The following PTCD2 variants were observed in gnomAD, a reference collection of about 807,000 sequenced individuals.
PTCD2 encodes the protein pentatricopeptide repeat domain 2, also known as pentatricopeptide repeat-containing protein 2, mitochondrial.
In PTCD2, 31 loss-of-function variants were observed where a neutral mutation model predicts 42.6. That is an observed-to-expected ratio of 0.73 (90% CI 0.55 to 0.98). The LOEUF is 0.98. PTCD2 is among the 50% of genes least tolerant of loss of function. PTCD2 has a pLI of 0.00. For missense variants in PTCD2, 476 were observed against 454.8 expected (o/e 1.05, Z -0.42); for synonymous variants, 183 against 170.9 (o/e 1.07, Z -0.55).
chr5:72,357,091 T>A (rs1296786471), intron 9 of PTCD2, among the ~76,000 whole-genome samples: 1 of 152,172 alleles, frequency 6.6e-6, no homozygotes, highest in Non-Finnish European at 1.5e-5. Context: ...TACGTATGCC[T>A]CTAGCCCAGA....
At chr5:72,334,018 C>G (rs909613265) in intron 4 of PTCD2, among the ~76,000 whole-genome samples, 1 of 151,956 alleles carries the variant, frequency 6.6e-6, no homozygotes. Context: ...CCACCACACC[C>G]AGCTAATTTT....
chr5:72,346,234 C>T (rs959851036), intron 8 of PTCD2, among the ~76,000 whole-genome samples: 1 of 152,082 alleles, frequency 6.6e-6, no homozygotes, highest in Non-Finnish European at 1.5e-5. Flanking sequence ...AGAAAAATAT[C>T]GACAGAGACA....
At chr5:72,338,120 A>AT (rs1201007991) in intron 6 of PTCD2, among the ~76,000 whole-genome samples, 32 of 151,858 alleles carry the variant, frequency 2.1e-4, no homozygotes, top group East Asian at 3.9e-4. Context: ...ACATTCTTGG[A>AT]TTTTTTTTTA....
At position 72,358,959 on chromosome 5, in the gene PTCD2, T is replaced by A. The variant is rs1404051503; in HGVS notation, c.*532T>A. 6.5e-6 allele frequency: 1 copy of A among 153,860 alleles called. No individual in the cohort carries two copies. The highest frequency in any genetic ancestry group is 1.9e-4 in the East Asian group (1 of 5,216). 9.5% of individuals were successfully genotyped at this position (153,860 alleles called of 1,614,324 possible). ...ATGCCTATGTGTCTTTGCATATAGA[T>A]TTGAAATCTTCATTCAAGGTTTAGT... is the stretch of plus-strand genomic sequence containing the variant. On this transcript the variant is annotated 3_prime_UTR_variant, in exon 10 of 10. Transcript: ENST00000380639.
intron 8 of PTCD2, among the ~76,000 whole-genome samples, chr5:72,344,128 C>G (rs1259627334): frequency 6.6e-6 from 1 of 152,076 alleles, no homozygotes; most frequent in African/African-American, 2.4e-5. Context: ...GAGCAGTGCT[C>G]TAGAGGAGGA....
At chr5:72,323,815 A>G in intron 2 of PTCD2, among the ~76,000 whole-genome samples, 1 of 151,872 alleles carries the variant, frequency 6.6e-6, no homozygotes, top group East Asian at 1.9e-4. Context: ...CTAATTTTTA[A>G]TTTTTAATTT....
intron 8 of PTCD2, among the ~76,000 whole-genome samples, chr5:72,345,008 G>C (rs1289026983): frequency 6.6e-6 from 1 of 152,156 alleles, no homozygotes; most frequent in African/African-American, 2.4e-5. Flanking sequence ...CAGGAGACAG[G>C]GTTTGAGAGC....
rs927672634 is a variant in PTCD2 at position 72,367,702 on chromosome 5, CT to C, written c.*9278del. The C allele has an allele frequency of 1.3e-5, 2 of 152,216 alleles. No individual in the cohort carries two copies. Among genetic ancestry groups the C allele is most frequent in the African/African-American group, 4.8e-5 (2 of 41,452 alleles). The allele number at this position is 152,216 out of a possible 1,614,324, so 9.4% of individuals were successfully genotyped here. On this transcript the variant is annotated 3_prime_UTR_variant, in exon 10 of 10. Transcript: ENST00000380639. ...TGGAGTTGAGTGGCCAGAACTCAGT[CT>C]TTCTTTACATGCTGTGTTAAGCAGG...
At position 72,359,227 on chromosome 5, in the gene PTCD2, A is replaced by G. The variant is rs1208051087; in HGVS notation, c.*800A>G. 1.3e-5 allele frequency: 2 copies of G among 152,172 alleles called. No individual in the cohort carries two copies. Among genetic ancestry groups the G allele is most frequent in the Admixed American group, 6.6e-5 (1 of 15,262 alleles). The allele number at this position is 152,172 out of a possible 1,614,324, so 9.4% of individuals were successfully genotyped here. On this transcript the variant is annotated 3_prime_UTR_variant, in exon 10 of 10. Coordinates refer to ENST00000380639, the MANE Select transcript of PTCD2 (RefSeq NM_024754.5). ...ATGTGGATAATAAATATTTAGTCCT[A>G]TAGTTTATCTTATTTGTTAATGATT...
chr5:72,366,142 G>A lies in PTCD2; in HGVS notation c.*7715G>A, dbSNP rs1753199883. 1 of 152,076 alleles carries A rather than the reference G, an allele frequency of 6.6e-6. No individual in the cohort carries two copies. Among genetic ancestry groups the A allele is most frequent in the Admixed American group, 6.6e-5 (1 of 15,264 alleles). The allele number at this position is 152,076 out of a possible 1,614,324, so 9.4% of individuals were successfully genotyped here. On this transcript the variant is annotated 3_prime_UTR_variant, in exon 10 of 10. Coordinates refer to ENST00000380639, the MANE Select transcript of PTCD2 (RefSeq NM_024754.5). The stretch of plus-strand genomic sequence containing the variant: ...GAGACGGGAGAATTGCTTGAACCTG[G>A]GAGACGGAGGTTACAGTGAGCCTAG...
chr5:72,357,088 G>A (rs368501151), intron 9 of PTCD2, among the ~76,000 whole-genome samples: 5 of 152,152 alleles, frequency 3.3e-5, no homozygotes, highest in Non-Finnish European at 7.4e-5. Context: ...TACTACGTAT[G>A]CCTCTAGCCC....
chr5:72,337,481 A>T (rs1243799641), intron 6 of PTCD2, among the ~76,000 whole-genome samples: 3 of 152,042 alleles, frequency 2.0e-5, no homozygotes, highest in Non-Finnish European at 4.4e-5. Context: ...CTGAGTGTAT[A>T]CTGCAATGAC....
In PTCD2 at chr5:72,325,814, G is replaced by A. The variant is rs72761143; in HGVS notation, c.221-798G>A. 2.4e-3 allele frequency among the ~76,000 whole-genome samples: 373 copies of A among 152,306 alleles called. 2 individuals carry two copies. The highest frequency in any genetic ancestry group is 4.5e-3 in the Non-Finnish European group (306 of 68,016). ...TCTGCCTTCTGGAAAGCAGATGCTT[G>A]GTTGGTGCCTGCTTTGCTTTTCACC... On this transcript the variant is annotated intron_variant, in intron 2 of 9. Coordinates refer to ENST00000380639, the MANE Select transcript of PTCD2 (RefSeq NM_024754.5).
chr5:72,351,145 G>A (rs990453668), intron 8 of PTCD2, among the ~76,000 whole-genome samples: 1 of 152,210 alleles, frequency 6.6e-6, no homozygotes, highest in Non-Finnish European at 1.5e-5. Flanking sequence ...AACAGTGGTT[G>A]TAACATTGGT....
intron 8 of PTCD2, among the ~76,000 whole-genome samples, chr5:72,348,185 G>A (rs1230689699): frequency 6.6e-6 from 1 of 152,130 alleles, no homozygotes; most frequent in African/African-American, 2.4e-5. Flanking sequence ...CTAGGTCTCT[G>A]TTAGTAGAGC....
intron 8 of PTCD2, among the ~76,000 whole-genome samples, chr5:72,352,400 C>T (rs745967384): frequency 1.3e-5 from 2 of 152,160 alleles, no homozygotes; most frequent in Non-Finnish European, 2.9e-5. Flanking sequence ...CCCACCTTGG[C>T]CTCCCAAAGT....
intron 8 of PTCD2, among the ~76,000 whole-genome samples, chr5:72,344,194 G>T (rs929927768): frequency 2.0e-5 from 3 of 152,138 alleles, no homozygotes; most frequent in Non-Finnish European, 4.4e-5. Context: ...TGGGATATTG[G>T]TTTTGGTGGA....
chr5:72,328,235 C>G (rs1292091650), intron 3 of PTCD2, among the ~76,000 whole-genome samples: 1 of 152,212 alleles, frequency 6.6e-6, no homozygotes, highest in Non-Finnish European at 1.5e-5. Context: ...TCAGATGAAG[C>G]CACTCACTCA....
chr5:72,322,388 T>A, intron 2 of PTCD2, 124 bp downstream of exon 2: 1 of 673,494 alleles, frequency 1.5e-6, no homozygotes, highest in Non-Finnish European at 2.7e-6. Flanking sequence ...GACCATTTAT[T>A]GTTAGTTTCA....
Sources: allele counts gnomAD v4.1 joint callset (sites outside exome capture counted in the v4.1 genomes callset), GRCh38; gene constraint gnomAD v4.1.1; transcripts MANE v1.5; gene names NCBI Gene and HGNC (gene_info 2026-07-23, HGNC 2026-07-21).